BRCA2: variants seen among roughly 807,000 people sequenced by gnomAD.
BRCA2 encodes the protein BRCA2 DNA repair associated.
A neutral mutation model predicts 276.7 loss-of-function variants in BRCA2; 203 were observed. The observed-to-expected ratio is 0.73, with a 90% confidence interval of 0.65 to 0.82. The LOEUF (loss-of-function observed/expected upper bound fraction) is 0.82. BRCA2 is among the 40% of genes least tolerant of loss of function. The probability of loss-of-function intolerance (pLI) is 0.00; values close to 1 mark genes in which losing one functional copy is unlikely to be tolerated. For synonymous variants in BRCA2, 1,289 were observed against 1,338.4 expected (o/e 0.96, Z 0.81); for missense variants, 3,920 against 3,915.0 (o/e 1.00, Z -0.03).
chr13:32,396,960 T>A lies in BRCA2; in HGVS notation c.9564T>A (p.Asp3188Glu), dbSNP rs398122616. 3 of 1,613,916 alleles carry A rather than the reference T, an allele frequency of 1.9e-6. No homozygotes were observed. The African/African-American group carries it at 4.0e-5, about 22-fold the overall frequency. ...NKLMHILHAN[D>E]PKWSTPTKDC... The stretch of plus-strand genomic sequence containing the variant: ...TTATGCATATACTGCATGCAAATGA[T>A]CCCAAGTGGTCCACCCCAACTAAAG... The change falls in exon 26 of 27, where the codon GAT becomes GAA. Residue 3188 changes from aspartate (D) to glutamate (E), a missense_variant. Around this residue, in one of 2 missense-constraint regions of BRCA2, gnomAD observed 657 missense variants for 758.2 expected, o/e 0.87. Coordinates refer to ENST00000380152, the MANE Select transcript of BRCA2 (RefSeq NM_000059.4).
Position 32,319,337 on chromosome 13 carries a change from A to C in BRCA2, c.316+12A>C. ...CAAATTAGACTTAGGTAAGTAATGC[A>C]ATATGGTAGACTGGGGAGAACTACA... On this transcript the variant is annotated intron_variant, in intron 3 of 26. Coordinates refer to ENST00000380152, the MANE Select transcript of BRCA2 (RefSeq NM_000059.4). 6.2e-7 allele frequency: 1 copy of C among 1,604,842 alleles called. No individual in the cohort carries two copies. The highest frequency in any genetic ancestry group is 8.5e-7 in the Non-Finnish European group (1 of 1,171,864).
rs587782589 is a variant in BRCA2, at chr13:32,336,291, A to C, written c.1936A>C (p.Ser646Arg). The C allele has an allele frequency of 1.2e-6, 2 of 1,603,092 alleles. No homozygotes were observed. The highest frequency in any genetic ancestry group is 1.7e-6 in the Non-Finnish European group (2 of 1,175,854). ...SGLLHSSVKR[S>R]CSQNDSEEPT... ...TTTATTGCATTCTTCTGTGAAAAGA[A>C]GCTGTTCACAGAATGATTCTGAAGA... Residue 646 changes from serine to arginine, a missense_variant, in exon 11 of 27, where the codon AGC (serine) becomes CGC (arginine). Coordinates refer to ENST00000380152, the MANE Select transcript of BRCA2 (RefSeq NM_000059.4).
At chr13:32,336,186 C>A in intron 10 of BRCA2, 79 bp from the exon 11 acceptor site, 1 of 1,465,840 alleles carries the variant, frequency 6.8e-7, no homozygotes, top group Non-Finnish European at 9.2e-7. Context: ...CAAACACTAC[C>A]TTTTTAACTT....
intron 16 of BRCA2, among the ~76,000 whole-genome samples, chr13:32,362,230 A>C (rs918334072): frequency 6.6e-6 from 1 of 151,852 alleles, no homozygotes; most frequent in African/African-American, 2.4e-5. Context: ...GGGTCTCACT[A>C]TGTTGCCTAG....
At chr13:32,336,061 A>G (rs1339430846) in intron 10 of BRCA2, among the ~76,000 whole-genome samples, 1 of 151,530 alleles carries the variant, frequency 6.6e-6, no homozygotes, top group African/African-American at 2.4e-5. Context: ...TTTATTTTTC[A>G]TAGAGTCATG....
At chr13:32,345,116 G>A (rs1478460948) in intron 12 of BRCA2, among the ~76,000 whole-genome samples, 1 of 151,882 alleles carries the variant, frequency 6.6e-6, no homozygotes, top group Non-Finnish European at 1.5e-5. Flanking sequence ...TTTTTCCCCG[G>A]CAATAAGTAT....
At chr13:32,354,822 T>A (rs772710682) in intron 13 of BRCA2, 39 bp from the exon 14 acceptor site, 21 of 1,313,204 alleles carry the variant, frequency 1.6e-5, no homozygotes, top group Non-Finnish European at 2.2e-5. Context: ...TTTATATGTG[T>A]ACTAGTCAAT....
At chr13:32,347,775 A>T (rs2072621707) in intron 13 of BRCA2, among the ~76,000 whole-genome samples, 1 of 152,190 alleles carries the variant, frequency 6.6e-6, no homozygotes. Flanking sequence ...AATAGAAAAG[A>T]CCAAAAAATA....
chr13:32,337,134 A>G lies in BRCA2; in HGVS notation c.2779A>G (p.Met927Val), dbSNP rs786201837. ...VNEPIFKNST[M>V]VLYGDTGDKQ... ...CGAACCCATTTTCAAGAACTCTACC[A>G]TGGTTTTATATGGAGACACAGGTGA... is the stretch of plus-strand genomic sequence containing the variant. The change falls in exon 11 of 27, where the codon ATG becomes GTG. Residue 927 changes from methionine to valine, a missense_variant. Met to Val is a conservative substitution (Grantham distance 21, BLOSUM62 1). Transcript: ENST00000380152. 6.2e-6 allele frequency: 10 copies of G among 1,613,866 alleles called. No homozygotes were observed. The highest frequency in any genetic ancestry group is 8.5e-6 in the Non-Finnish European group (10 of 1,179,910).
chr13:32,383,940 A>G (rs1031155934), intron 24 of BRCA2, among the ~76,000 whole-genome samples: 1 of 152,214 alleles, frequency 6.6e-6, no homozygotes, highest in Non-Finnish European at 1.5e-5. Context: ...GGAAGAAAAC[A>G]AGGAACTTGG....
rs2137582491 is a variant in BRCA2 at position 32,363,474 on chromosome 13, C to T, written c.8272C>T (p.Leu2758=). ...GQKIILHGAE[L]VGSPDACTPL... ...GAAGATTATTCTTCATGGAGCAGAA[C>T]TGGTGGGCTCTCCTGATGCCTGTAC... The change falls in exon 18 of 27, where the codon CTG becomes TTG. Residue 2758 remains leucine, a synonymous_variant. Transcript: ENST00000380152. 1 of 1,614,116 alleles carries T rather than the reference C, an allele frequency of 6.2e-7. No homozygotes were observed. The highest frequency in any genetic ancestry group is 8.5e-7 in the Non-Finnish European group (1 of 1,180,018).
intron 3 of BRCA2, among the ~76,000 whole-genome samples, chr13:32,324,774 A>G (rs888225301): frequency 6.6e-6 from 1 of 152,004 alleles, no homozygotes; most frequent in Admixed American, 6.6e-5. Flanking sequence ...CTACAGGCAT[A>G]TCACCACACC....
rs886040378 is a variant in BRCA2, at chr13:32,333,099, G to T, written c.1621G>T (p.Glu541Ter). The change falls in exon 10 of 27, where the codon GAA becomes TAA. Residue 541 changes from glutamate to a stop codon, truncating the protein, a stop_gained. Coordinates refer to ENST00000380152, the MANE Select transcript of BRCA2 (RefSeq NM_000059.4). LOFTEE classifies it high-confidence loss of function. ...KETEASESGL[E>*]IHTVCSQKED... is the part of the protein sequence containing the mutation. ...AACTGAAGCCTCTGAAAGTGGACTG[G>T]AAATACATACTGTTTGCTCACAGAA... is the stretch of plus-strand genomic sequence containing the variant. The T allele has an allele frequency of 6.2e-7, 1 of 1,613,678 alleles. No homozygotes were observed. The highest frequency in any genetic ancestry group is 8.5e-7 in the Non-Finnish European group (1 of 1,179,910).
rs81002848 is a variant in BRCA2, at chr13:32,394,937, A to G, written c.9501+4A>G. ...CAAAATGAAAAATACTGTTGAGGTA[A>G]GGTTACTTTTCAGCATCACCACACA... On this transcript the variant is annotated splice_donor_region_variant and intron_variant, in intron 25 of 26. Coordinates refer to ENST00000380152, the MANE Select transcript of BRCA2 (RefSeq NM_000059.4). 1.3e-5 allele frequency: 21 copies of G among 1,613,888 alleles called. No homozygotes were observed. Among genetic ancestry groups the G allele is most frequent in the Non-Finnish European group, 1.8e-5 (21 of 1,179,948 alleles).
At chr13:32,321,751 T>C (rs370850698) in intron 3 of BRCA2, among the ~76,000 whole-genome samples, 1 of 152,198 alleles carries the variant, frequency 6.6e-6, no homozygotes, top group Non-Finnish European at 1.5e-5. Flanking sequence ...ACATGTAATA[T>C]TTTTTAAAAA....
At position 32,337,567 on chromosome 13, in the gene BRCA2, A is replaced by G. The variant is rs80358565; in HGVS notation, c.3212A>G (p.His1071Arg). 6.2e-6 allele frequency: 10 copies of G among 1,606,230 alleles called. No individual in the cohort carries two copies. The South Asian group carries it at 1.1e-4, about 18-fold the overall frequency. Residue 1071 changes from histidine to arginine, a missense_variant, in exon 11 of 27, where the codon CAT becomes CGT. Physicochemically the swap from His to Arg is conservative, Grantham distance 29. Around this residue, in one of 2 missense-constraint regions of BRCA2, gnomAD observed 3,263 missense variants for 3,156.9 expected, o/e 1.03. Transcript: ENST00000380152. The stretch of plus-strand genomic sequence containing the variant: ...CAGTCAATTAATACTGTATCTGCAC[A>G]TTTACAGAGTAGTGTAGTTGTTTCT... ...KPQSINTVSAHLQSSVVVSDC... is the reference protein window; with the variant it reads ...KPQSINTVSARLQSSVVVSDC...
chr13:32,341,264 G>T (rs541787675), intron 11 of BRCA2, 68 bp downstream of exon 11: 14 of 1,591,254 alleles, frequency 8.8e-6, no homozygotes, highest in Non-Finnish European at 1.2e-5. Flanking sequence ...AGTAGACTTG[G>T]TATGCTAACA....
At position 32,358,476 on chromosome 13, in the gene BRCA2, CA is replaced by C. The variant is rs34469166; in HGVS notation, c.7805+561del. 1.5e-3 allele frequency among the ~76,000 whole-genome samples: 176 copies of C among 118,468 alleles called. 1 individual carries two copies. Among genetic ancestry groups the C allele is most frequent in the Admixed American group, 1.8e-3 (20 of 11,228 alleles). 77.7% of individuals were successfully genotyped at this position (118,468 alleles called of 152,430 possible). On this transcript the variant is annotated intron_variant, in intron 16 of 26. Coordinates refer to ENST00000380152, the MANE Select transcript of BRCA2 (RefSeq NM_000059.4). ...GGGCGATAAGAGTGAGACTCCATCT[CA>C]AAAAAAAAAAAAAGAAAAAAGTTAA...
rs2137597605 is a variant in BRCA2 at position 32,370,507 on chromosome 13, G to A, written c.8437G>A (p.Gly2813Arg). Residue 2813 changes from glycine (G) to arginine (R), a missense_variant, in exon 19 of 27, where the codon GGA becomes AGA. Around this residue, in one of 2 missense-constraint regions of BRCA2, gnomAD observed 657 missense variants for 758.2 expected, o/e 0.87. Transcript: ENST00000380152. ...LPLSSLFSDG[G>R]NVGCVDVIIQ... The stretch of plus-strand genomic sequence containing the variant: ...CTTATCATCGCTTTTCAGTGATGGA[G>A]GAAATGTTGGTTGTGTTGATGTAAT... The A allele has an allele frequency of 6.2e-7, 1 of 1,613,944 alleles. No homozygotes were observed. Among genetic ancestry groups the A allele is most frequent in the Non-Finnish European group, 8.5e-7 (1 of 1,179,848 alleles).
Sources: allele counts gnomAD v4.1 joint callset (sites outside exome capture counted in the v4.1 genomes callset), GRCh38; gene constraint gnomAD v4.1.1; regional missense constraint gnomAD v4.1.1; transcripts MANE v1.5; gene names NCBI Gene and HGNC (gene_info 2026-07-23, HGNC 2026-07-21).